The following DENND1A variants were observed in gnomAD, a reference collection of about 807,000 sequenced individuals.
DENND1A encodes DENN domain containing 1A.
Under a neutral mutation model 113.7 loss-of-function variants are expected in DENND1A, and 51 were observed. The ratio of observed to expected loss-of-function variants is 0.45; its 90% confidence interval spans 0.36 to 0.57. The LOEUF is 0.57. Among genes scored for constraint, DENND1A ranks in the 20% least tolerant of loss-of-function variants. The pLI is 0.00. For missense variants in DENND1A, 1,258 were observed against 1,395.9 expected (o/e 0.90, Z 1.57); for synonymous variants, 565 against 570.8 (o/e 0.99, Z 0.14).
intron 2 of DENND1A, among the ~76,000 whole-genome samples, chr9:123,825,898 T>G (rs1213388224): frequency 2.0e-5 from 3 of 152,214 alleles, no homozygotes; most frequent in Non-Finnish European, 4.4e-5. Flanking sequence ...CTGTGCCAAT[T>G]TGCAGCTAAA....
At chr9:123,581,849 C>A (rs2058914291) in intron 12 of DENND1A, among the ~76,000 whole-genome samples, 1 of 152,130 alleles carries the variant, frequency 6.6e-6, no homozygotes, top group African/African-American at 2.4e-5. Context: ...GATCTTCTTG[C>A]AGGCAGAGCT....
intron 1 of DENND1A, among the ~76,000 whole-genome samples, chr9:123,894,159 C>T (rs566815899): frequency 6.1e-4 from 93 of 152,318 alleles, no homozygotes; most frequent in African/African-American, 2.1e-3. Context: ...GGTTTTTAAA[C>T]AAGCGCTTGG....
intron 9 of DENND1A, 103 bp downstream of exon 9, chr9:123,651,910 A>T: frequency 1.2e-6 from 1 of 867,116 alleles, no homozygotes; most frequent in Non-Finnish European, 1.8e-6. Context: ...ATATAAGGGG[A>T]CTGTAGCTGA....
At chr9:123,799,401 C>G (rs1359363100) in intron 2 of DENND1A, among the ~76,000 whole-genome samples, 1 of 152,154 alleles carries the variant, frequency 6.6e-6, no homozygotes, top group Non-Finnish European at 1.5e-5. Flanking sequence ...AAGACACAGT[C>G]CTCACCCTCC....
intron 4 of DENND1A, among the ~76,000 whole-genome samples, chr9:123,768,831 T>G (rs554088124): frequency 1.0e-3 from 153 of 150,968 alleles, no homozygotes; most frequent in Non-Finnish European, 1.8e-3. Flanking sequence ...ATTCTTATCA[T>G]TAACCAGTGG....
chr9:123,607,743 G>C (rs2060239137), intron 11 of DENND1A, among the ~76,000 whole-genome samples: 1 of 150,892 alleles, frequency 6.6e-6, no homozygotes, highest in South Asian at 2.1e-4. Context: ...TGAAGCAAGA[G>C]GCCTTAAACA....
intron 5 of DENND1A, among the ~76,000 whole-genome samples, chr9:123,706,974 T>C (rs1224616950): frequency 6.6e-6 from 1 of 152,122 alleles, no homozygotes; most frequent in East Asian, 1.9e-4. Context: ...AGAGAAGGTG[T>C]AAGCAGCTGG....
intron 3 of DENND1A, among the ~76,000 whole-genome samples, chr9:123,785,571 T>C (rs1002150775): frequency 6.6e-6 from 1 of 152,126 alleles, no homozygotes; most frequent in Non-Finnish European, 1.5e-5. Context: ...CTTTTAAACA[T>C]ATACAAAAGA....
intron 9 of DENND1A, 53 bp downstream of exon 9, chr9:123,651,960 C>T: frequency 6.6e-7 from 1 of 1,510,064 alleles, no homozygotes; most frequent in Non-Finnish European, 9.1e-7. Context: ...GCTGGTGTAT[C>T]TTTCAATTAA....
intron 22 of DENND1A, among the ~76,000 whole-genome samples, chr9:123,386,626 C>T (rs4836920): frequency 0.028 from 4,272 of 152,208 alleles, 255 homozygotes; most frequent in East Asian, 0.17. Context: ...TCAAGTGATC[C>T]GCCCGCTTTG....
intron 5 of DENND1A, among the ~76,000 whole-genome samples, chr9:123,715,827 C>CA (rs1361211870): frequency 3.3e-5 from 5 of 152,116 alleles, no homozygotes; most frequent in Non-Finnish European, 7.3e-5. Context: ...GAGGCGGCGC[C>CA]ACCATGCCCA....
At chr9:123,837,273 A>C (rs1291576366) in intron 2 of DENND1A, among the ~76,000 whole-genome samples, 1 of 152,218 alleles carries the variant, frequency 6.6e-6, no homozygotes, top group Non-Finnish European at 1.5e-5. Context: ...CACAGACACC[A>C]GTGTCTCATC....
Position 123,393,372 on chromosome 9 carries a change from G to A in DENND1A, c.1632-5514C>T, listed in dbSNP as rs140476861. Among the ~76,000 whole-genome samples the A allele has an allele frequency of 6.2e-4, 95 of 152,212 alleles. No individual in the cohort carries two copies. In the East Asian group the frequency reaches 0.015, roughly 24 times the overall value. The stretch of plus-strand genomic sequence containing the variant: ...GTTAGTGGTCCTCAGCTGAATGTAT[G>A]TCAGCACATCAGAATCATCTGGGAA... On this transcript the variant is annotated intron_variant, in intron 21 of 23. Transcript: ENST00000394215.
chr9:123,666,257 A>G (rs2063488092), intron 8 of DENND1A, among the ~76,000 whole-genome samples: 1 of 152,256 alleles, frequency 6.6e-6, no homozygotes, highest in African/African-American at 2.4e-5. Flanking sequence ...TAAGTGGTAG[A>G]CATTCTTTAT....
intron 2 of DENND1A, among the ~76,000 whole-genome samples, chr9:123,873,609 T>G (rs1478623831): frequency 6.6e-6 from 1 of 152,266 alleles, no homozygotes; most frequent in African/African-American, 2.4e-5. Context: ...AAATAAGTTT[T>G]ATTTAGTTTC....
intron 1 of DENND1A, among the ~76,000 whole-genome samples, chr9:123,902,708 C>T (rs980410339): frequency 1.9e-4 from 29 of 150,112 alleles, no homozygotes; most frequent in South Asian, 6.3e-4. Context: ...AGGAAACTGA[C>T]ATCCTTAAAT....
chr9:123,875,488 G>A (rs922477609), intron 2 of DENND1A, among the ~76,000 whole-genome samples: 6 of 152,154 alleles, frequency 3.9e-5, no homozygotes, highest in African/African-American at 1.2e-4. Context: ...GGTTCATATT[G>A]TGTTTTTGTA....
intron 1 of DENND1A, among the ~76,000 whole-genome samples, chr9:123,907,279 T>C (rs1431127310): frequency 2.8e-5 from 4 of 144,532 alleles, no homozygotes; most frequent in African/African-American, 7.7e-5. Context: ...ACTGGAAGCA[T>C]TCCCTTTGAA....
intron 4 of DENND1A, among the ~76,000 whole-genome samples, chr9:123,759,037 G>A (rs530171478): frequency 3.9e-5 from 6 of 152,210 alleles, no homozygotes; most frequent in South Asian, 2.1e-4. Flanking sequence ...TCCTGACCTC[G>A]TGATCCACCT....
Sources: allele counts gnomAD v4.1 joint callset (sites outside exome capture counted in the v4.1 genomes callset), GRCh38; gene constraint gnomAD v4.1.1; transcripts MANE v1.5; gene names NCBI Gene and HGNC (gene_info 2026-07-23, HGNC 2026-07-21).